SV2C: variants seen among roughly 807,000 people sequenced by gnomAD.
SV2C encodes solute carrier family 22 member B3.
SV2C carries 49 observed loss-of-function variants against 79.7 expected under a neutral mutation model. The ratio of observed to expected loss-of-function variants is 0.61; its 90% confidence interval spans 0.49 to 0.78. The LOEUF (loss-of-function observed/expected upper bound fraction) is 0.78. Among genes scored for constraint, SV2C ranks in the 30% least tolerant of loss-of-function variants. SV2C has a pLI of 0.00. For synonymous variants in SV2C, 334 were observed against 333.2 expected, an observed-to-expected ratio of 1.00 and a Z score of -0.03; for missense variants, 833 against 912.9, an observed-to-expected ratio of 0.91 and a Z score of 1.13.
At chr5:75,868,694 G>A in the SV2C span, among the ~76,000 whole-genome samples, 1 of 152,166 alleles carries the variant, frequency 6.6e-6, no homozygotes, top group Admixed American at 6.6e-5. Flanking sequence ...GCTGAGGATT[G>A]AGAAGGGAAT....
At chr5:76,238,641 G>A (rs999843324) in intron 4 of SV2C, among the ~76,000 whole-genome samples, 1 of 152,154 alleles carries the variant, frequency 6.6e-6, no homozygotes, top group Non-Finnish European at 1.5e-5. Flanking sequence ...ACAGTCAGGC[G>A]TTCTAGCAGC....
At chr5:75,911,939 G>T in the SV2C span, 1 of 416,580 alleles carries the variant, frequency 2.4e-6, no homozygotes. Flanking sequence ...GAGGGTATAG[G>T]TCAGAGAGAT....
At chr5:76,192,578 G>A (rs1744137395) in intron 2 of SV2C, among the ~76,000 whole-genome samples, 1 of 152,178 alleles carries the variant, frequency 6.6e-6, no homozygotes, top group South Asian at 2.1e-4. Flanking sequence ...AACAGGGAAG[G>A]AAATACAGTT....
At chr5:76,147,246 A>G (rs1749465758) in intron 2 of SV2C, among the ~76,000 whole-genome samples, 1 of 152,328 alleles carries the variant, frequency 6.6e-6, no homozygotes, top group South Asian at 2.1e-4. Context: ...ACAAAAAGAA[A>G]AAGTCAGAAA....
chr5:76,180,539 C>T (rs67657625), intron 2 of SV2C, among the ~76,000 whole-genome samples: 15,201 of 152,262 alleles, frequency 0.1, 928 homozygotes, highest in Non-Finnish European at 0.13. Context: ...CCTGTGCTGA[C>T]GCATTTGTTC....
rs113189105 is a variant in SV2C at position 76,237,423 on chromosome 5, C to G, written c.913+27536C>G. On this transcript the variant is annotated intron_variant, in intron 4 of 12. Transcript: ENST00000502798. ...GAACTATCTTACCACCATTTTTTTA[C>G]TGAAGACATTTCTCCGAGAGTTCTT... Among the ~76,000 whole-genome samples the G allele has an allele frequency of 5.3e-5, 8 of 152,218 alleles. 1 individual carries two copies. Among genetic ancestry groups the G allele is most frequent in the African/African-American group, 1.9e-4 (8 of 41,548 alleles).
the SV2C span, among the ~76,000 whole-genome samples, chr5:75,882,326 C>T: frequency 6.7e-6 from 1 of 150,198 alleles, no homozygotes; most frequent in Non-Finnish European, 1.5e-5. Flanking sequence ...CCATACTGCC[C>T]AAGGTAATTT....
the SV2C span, among the ~76,000 whole-genome samples, chr5:75,930,585 C>T: frequency 7.7e-4 from 117 of 152,220 alleles, no homozygotes; most frequent in African/African-American, 2.7e-3. Flanking sequence ...CAAGAGATTG[C>T]ATCTCAGAAT....
At chr5:75,866,927 G>A in the SV2C span, among the ~76,000 whole-genome samples, 3 of 152,146 alleles carry the variant, frequency 2.0e-5, no homozygotes, top group East Asian at 1.9e-4. Flanking sequence ...AAATGACAGG[G>A]CTTCCTCGGT....
chr5:75,910,522 G>C, the SV2C span: 1 of 629,358 alleles, frequency 1.6e-6, no homozygotes, highest in African/African-American at 1.8e-5. Flanking sequence ...AGAAGTTGTT[G>C]GGGCTTTGTT....
At chr5:75,999,080 C>T in the SV2C span, among the ~76,000 whole-genome samples, 10 of 151,972 alleles carry the variant, frequency 6.6e-5, no homozygotes, top group Admixed American at 5.2e-4. Flanking sequence ...AGAACGTGTG[C>T]AAGGGAACTC....
chr5:76,266,983 G>A (rs1746681269), intron 4 of SV2C, among the ~76,000 whole-genome samples: 1 of 152,122 alleles, frequency 6.6e-6, no homozygotes. Context: ...CTGGGAGGTG[G>A]CACCAGCTAG....
At chr5:75,969,075 A>G in the SV2C span, among the ~76,000 whole-genome samples, 1 of 152,192 alleles carries the variant, frequency 6.6e-6, no homozygotes, top group Non-Finnish European at 1.5e-5. Context: ...CAGCCAAACT[A>G]AACCTCGTCA....
rs150036864 is a variant in SV2C, at chr5:76,127,042, T to C, written c.-101-4608T>C. Among the ~76,000 whole-genome samples the C allele has an allele frequency of 1.2e-3, 179 of 152,326 alleles. 1 individual carries two copies. The South Asian group carries it at 0.036, about 31-fold the overall frequency. ...CTATCATTACTCTATCAGGGCACAA[T>C]GGTTTTAAAGCTGCATAAATACAAT... is the stretch of plus-strand genomic sequence containing the variant. On this transcript the variant is annotated intron_variant, in intron 1 of 12. Transcript: ENST00000502798.
the SV2C span, among the ~76,000 whole-genome samples, chr5:76,047,909 T>C: frequency 4.8e-4 from 73 of 152,028 alleles, 1 homozygote; most frequent in East Asian, 4.7e-3. Context: ...TAGCTGGGAC[T>C]ACAGGCACCC....
At chr5:76,010,217 C>T in the SV2C span, among the ~76,000 whole-genome samples, 3 of 152,160 alleles carry the variant, frequency 2.0e-5, no homozygotes, top group African/African-American at 7.2e-5. Context: ...CAGGCCCTCT[C>T]TCCCTAGGCT....
Position 76,318,902 on chromosome 5 carries a change from C to G in SV2C, c.2001-6462C>G, listed in dbSNP as rs183025162. ...TTCTACAGCTGAGAAGTCGGCAAGT[C>G]AGGGTTCTGCAAGCTCTGAGCTCCC... On this transcript the variant is annotated intron_variant, in intron 12 of 12. Transcript: ENST00000502798. Among the ~76,000 whole-genome samples the G allele has an allele frequency of 1.8e-3, 278 of 152,316 alleles. 3 individuals are homozygous for G. Among genetic ancestry groups the G allele is most frequent in the Non-Finnish European group, 3.3e-3 (227 of 68,032 alleles).
At chr5:76,171,553 C>A (rs1224112864) in intron 2 of SV2C, among the ~76,000 whole-genome samples, 2 of 143,626 alleles carry the variant, frequency 1.4e-5, no homozygotes, top group Admixed American at 6.8e-5. Flanking sequence ...GCAGCCACCC[C>A]ATCTGGGAAG....
the SV2C span, among the ~76,000 whole-genome samples, chr5:75,868,400 C>T: frequency 1.8e-3 from 274 of 152,228 alleles, 2 homozygotes; most frequent in African/African-American, 6.0e-3. Flanking sequence ...GATTTGTTCT[C>T]TTAAATGAGC....
Sources: allele counts gnomAD v4.1 joint callset (sites outside exome capture counted in the v4.1 genomes callset), GRCh38; gene constraint gnomAD v4.1.1; transcripts MANE v1.5; gene names NCBI Gene and HGNC (gene_info 2026-07-23, HGNC 2026-07-21).